MX1: variants seen among roughly 807,000 people sequenced by gnomAD.
MX1 encodes the protein interferon-induced GTP-binding protein Mx1.
MX1 carries 66 observed loss-of-function variants against 66.4 expected under a neutral mutation model. That is an observed-to-expected ratio of 0.99 (90% confidence interval 0.82 to 1.22). The LOEUF (loss-of-function observed/expected upper bound fraction) is 1.22. MX1 is among the 50% of genes most tolerant of loss of function. The pLI is 0.00. For synonymous variants in MX1, 311 were observed against 318.1 expected, an observed-to-expected ratio of 0.98 and a Z score of 0.24; for missense variants, 787 against 834.3, an observed-to-expected ratio of 0.94 and a Z score of 0.70.
intron 15 of MX1, among the ~76,000 whole-genome samples, chr21:41,451,968 C>T (rs1483139952): frequency 4.6e-5 from 7 of 152,048 alleles, no homozygotes. Flanking sequence ...GTCCCCGGCA[C>T]AGATGAGGAG....
chr21:41,444,659 G>T (rs1176056971), intron 11 of MX1, among the ~76,000 whole-genome samples: 1 of 152,084 alleles, frequency 6.6e-6, no homozygotes, highest in African/African-American at 2.4e-5. Flanking sequence ...GAGCTCTCTG[G>T]GGTCCCACTG....
At chr21:41,423,261 A>C (rs1385981175), upstream of MX1, 1 of 152,436 alleles carries the variant, frequency 6.6e-6, no homozygotes, top group Non-Finnish European at 1.5e-5. Context: ...AACAGCAGAC[A>C]GCAAATGGCA....
chr21:41,452,525 T>G, intron 15 of MX1, 96 bp from the exon 16 acceptor site: 1 of 1,375,414 alleles, frequency 7.3e-7, no homozygotes, highest in South Asian at 1.4e-5. Context: ...TCACTCACGT[T>G]GGGTAACCTG....
intron 7 of MX1, among the ~76,000 whole-genome samples, chr21:41,438,139 CA>C (rs1377079050): frequency 2.0e-5 from 3 of 152,196 alleles, no homozygotes; most frequent in Non-Finnish European, 4.4e-5. Context: ...AACTAATGCC[CA>C]GCAGTAGGAA....
In MX1 at chr21:41,458,879, C is replaced by T. The variant is rs545983888; in HGVS notation, c.*121C>T. 14 of 1,439,554 alleles carry T rather than the reference C, an allele frequency of 9.7e-6. No homozygotes were observed. The South Asian group carries it at 1.2e-4, about 12-fold the overall frequency. The allele number at this position is 1,439,554 out of a possible 1,614,324, so 89.2% of individuals were successfully genotyped here. A position where few individuals can be genotyped will look rare whatever the true frequency, so the allele number is the denominator to read the frequency against. Reference sequence around the variant, plus strand: ...ACTGGATAGTCCGTCTCTGCTTATCCGTTAGCCGTGGTGATTTAGCAGGAA... The same window carrying T: ...ACTGGATAGTCCGTCTCTGCTTATCTGTTAGCCGTGGTGATTTAGCAGGAA... On this transcript the variant is annotated 3_prime_UTR_variant, in exon 17 of 17. Coordinates refer to ENST00000398598, the MANE Select transcript of MX1 (RefSeq NM_002462.5).
intron 10 of MX1, 34 bp from the exon 11 acceptor site, chr21:41,443,754 T>C: frequency 6.2e-7 from 1 of 1,607,650 alleles, no homozygotes. Context: ...TCTGGCTACA[T>C]CAAGGTGGAA....
rs1397558776 is a variant in MX1 at position 41,426,260 on chromosome 21, A to G, written c.-312A>G. On this transcript the variant is annotated 5_prime_UTR_variant, in exon 1 of 17. Transcript: ENST00000398598. ...GGCCGCACTCCAGCACTGCGCAGGG[A>G]CCGGTGAGTGTCGCTTCTGGGGGCA... 2 of 153,120 alleles carry G rather than the reference A, an allele frequency of 1.3e-5. No homozygotes were observed. Among genetic ancestry groups the G allele is most frequent in the African/African-American group, 4.8e-5 (2 of 41,486 alleles). The allele number at this position is 153,120 out of a possible 1,614,324, so 9.5% of individuals were successfully genotyped here. A position where few individuals can be genotyped will look rare whatever the true frequency, so the allele number is the denominator to read the frequency against.
chr21:41,439,879 C>A, intron 8 of MX1, 31 bp downstream of exon 8: 2 of 966,418 alleles, frequency 2.1e-6, no homozygotes, highest in Non-Finnish European at 2.9e-6. Context: ...TGACCTTGGC[C>A]GTGGCGTGGG....
At chr21:41,425,764 G>A (rs1431125311), upstream of MX1, among the ~76,000 whole-genome samples, 1 of 152,180 alleles carries the variant, frequency 6.6e-6, no homozygotes, top group Non-Finnish European at 1.5e-5. Context: ...TGCCTGGTTA[G>A]GGGTGGGAGT....
chr21:41,445,702 G>A (rs1372723705), intron 12 of MX1, 132 bp downstream of exon 12: 1 of 1,298,838 alleles, frequency 7.7e-7, no homozygotes, highest in African/African-American at 1.5e-5. Context: ...GCACTCAAAG[G>A]GTGGACAGGG....
At chr21:41,437,794 C>T (rs1007897473) in intron 7 of MX1, among the ~76,000 whole-genome samples, 1 of 152,240 alleles carries the variant, frequency 6.6e-6, no homozygotes, top group Non-Finnish European at 1.5e-5. Context: ...GCTCCTCCCC[C>T]TGTTCCTTTG....
At chr21:41,443,207 G>A (rs2090568041) in intron 10 of MX1, among the ~76,000 whole-genome samples, 1 of 152,224 alleles carries the variant, frequency 6.6e-6, no homozygotes, top group African/African-American at 2.4e-5. Flanking sequence ...CTTCACTGCT[G>A]CCTTTATCCT....
intron 5 of MX1, among the ~76,000 whole-genome samples, chr21:41,432,964 C>T (rs78865756): frequency 0.025 from 3,812 of 152,336 alleles, 154 homozygotes; most frequent in African/African-American, 0.083. Context: ...TTCTGCATTT[C>T]CGTCCCTGGT....
intron 13 of MX1, among the ~76,000 whole-genome samples, chr21:41,448,917 T>C (rs2090740960): frequency 2.9e-5 from 4 of 139,818 alleles, no homozygotes; most frequent in Admixed American, 7.4e-5. Flanking sequence ...GAAAATTATC[T>C]TCAGATCTGG....
intron 5 of MX1, among the ~76,000 whole-genome samples, chr21:41,433,432 C>T (rs1418399073): frequency 6.6e-6 from 1 of 152,188 alleles, no homozygotes; most frequent in East Asian, 1.9e-4. Flanking sequence ...GGAATGGATA[C>T]TGGGAGTGTG....
intron 5 of MX1, 90 bp from the exon 6 acceptor site, chr21:41,435,747 A>G: frequency 7.2e-7 from 1 of 1,384,786 alleles, no homozygotes; most frequent in Non-Finnish European, 1.0e-6. Flanking sequence ...TTACAATTCG[A>G]GATGAGATTT....
chr21:41,453,725 T>C (rs2090891169), intron 16 of MX1, among the ~76,000 whole-genome samples: 1 of 152,150 alleles, frequency 6.6e-6, no homozygotes, highest in South Asian at 2.1e-4. Context: ...GCAGGAATTG[T>C]AGGTAAAATC....
intron 6 of MX1, 60 bp from the exon 7 acceptor site, chr21:41,436,955 A>T: frequency 6.3e-7 from 1 of 1,590,636 alleles, no homozygotes; most frequent in Non-Finnish European, 8.6e-7. Context: ...CATGGGCCTA[A>T]GGCGCTATGT....
upstream of MX1, among the ~76,000 whole-genome samples, chr21:41,424,544 A>G (rs894696647): frequency 1.2e-4 from 19 of 152,108 alleles, 1 homozygote; most frequent in African/African-American, 3.6e-4. Flanking sequence ...TAATCATGGA[A>G]GTCTTTAGCG....
Sources: gnomAD v4.1 joint callset for allele counts (sites outside exome capture counted in the v4.1 genomes callset) on GRCh38, gnomAD v4.1.1 for gene constraint, MANE v1.5 for transcripts, NCBI Gene and HGNC (gene_info 2026-07-23, HGNC 2026-07-21) for gene names.